RARB: variants seen among roughly 807,000 people sequenced by gnomAD.
RARB encodes the protein HBV-activated protein.
RARB carries 17 observed loss-of-function variants against 51.9 expected under a neutral mutation model. The ratio of observed to expected loss-of-function variants is 0.33; its 90% CI spans 0.22 to 0.49. The LOEUF is 0.49. Ranked by LOEUF, RARB falls within the 20% of genes least tolerant of loss-of-function variation. RARB has a pLI of 0.99. For synonymous variants in RARB, 215 were observed against 195.4 expected (o/e 1.10, Z -0.84); for missense variants, 369 against 550.8 (o/e 0.67, Z 3.30).
At chr3:25,315,589 G>A (rs1241503279) in intron 5 of RARB, among the ~76,000 whole-genome samples, 6 of 152,066 alleles carry the variant, frequency 3.9e-5, no homozygotes, top group African/African-American at 1.2e-4. Flanking sequence ...TACTTCTCCA[G>A]CCTAGGATGC....
intron 2 of RARB, among the ~76,000 whole-genome samples, chr3:25,051,819 A>G (rs146912439): frequency 2.0e-5 from 3 of 152,276 alleles, no homozygotes; most frequent in African/African-American, 7.2e-5. Context: ...AACTACTTCT[A>G]TGCTTGAAGG....
chr3:25,132,876 CA>C (rs1699975162), intron 4 of RARB, among the ~76,000 whole-genome samples: 1 of 151,730 alleles, frequency 6.6e-6, no homozygotes, highest in Non-Finnish European at 1.5e-5. Context: ...AACTTTAAAA[CA>C]TTTTTAAAAA....
intron 5 of RARB, among the ~76,000 whole-genome samples, chr3:25,585,251 GTAT>G: frequency 6.6e-6 from 1 of 152,220 alleles, no homozygotes; most frequent in East Asian, 1.9e-4. Context: ...GTTATGTTCG[GTAT>G]TATTGTTAAG....
upstream of RARB, among the ~76,000 whole-genome samples, chr3:25,425,904 T>G (rs1707975072): frequency 6.6e-6 from 1 of 152,212 alleles, no homozygotes; most frequent in Admixed American, 6.5e-5. Context: ...CAGCCTCCCC[T>G]GGATAACAGA....
At chr3:25,370,027 GAAAACAGAAC>G (rs1307634517) in intron 5 of RARB, among the ~76,000 whole-genome samples, 2 of 152,104 alleles carry the variant, frequency 1.3e-5, no homozygotes, top group African/African-American at 2.4e-5. Flanking sequence ...GCACAGAGCA[GAAAACAGAAC>G]AAAACACACA....
In RARB at chr3:25,210,529, C is replaced by CTTTTTTTTTTTTTTTTTTTTTTTTTT. The variant is rs773846113; in HGVS notation, c.178+35978_178+35979insTTTTTTTTTTTTTTTTTTTTTTTTTT. ...GAAAGCCTGAAATCTTTATCTGATTCTTTTTTTTTTTTTTTTTTTTTTTTG... is the reference window on the plus strand; with the variant it reads ...GAAAGCCTGAAATCTTTATCTGATTCTTTTTTTTTTTTTTTTTTTTTTTTTTTTTTTTTTTTTTTTTTTTTTTTTTG... On this transcript the variant is annotated intron_variant, in intron 5 of 11. Coordinates refer to the RARB transcript ENST00000383772. Among the ~76,000 whole-genome samples the CTTTTTTTTTTTTTTTTTTTTTTTTTT allele has an allele frequency of 1.4e-4, 4 of 27,634 alleles. 1 individual carries two copies. Among genetic ancestry groups the CTTTTTTTTTTTTTTTTTTTTTTTTTT allele is most frequent in the Admixed American group, 1.2e-3 (2 of 1,732 alleles). 18.1% of individuals were successfully genotyped at this position (27,634 alleles called of 152,430 possible).
intron 5 of RARB, chr3:25,258,995 A>T (rs322721): frequency 0.61 from 600,401 of 980,336 alleles, 187,092 homozygotes; most frequent in East Asian, 0.69. Context: ...GCTGGGGACA[A>T]ACCATAGTAT....
At chr3:25,195,169 C>T (rs149033040) in intron 5 of RARB, among the ~76,000 whole-genome samples, 4 of 152,086 alleles carry the variant, frequency 2.6e-5, no homozygotes, top group Admixed American at 6.6e-5. Context: ...TGCCCATCCT[C>T]TCTGTAGGTC....
intron 3 of RARB, among the ~76,000 whole-genome samples, chr3:25,104,521 A>G (rs1699462053): frequency 6.6e-6 from 1 of 152,106 alleles, no homozygotes; most frequent in Non-Finnish European, 1.5e-5. Flanking sequence ...GTGCATATCT[A>G]TAGTTCCAGC....
At chr3:24,912,741 C>A (rs1292607563) in intron 2 of RARB, among the ~76,000 whole-genome samples, 1 of 152,086 alleles carries the variant, frequency 6.6e-6, no homozygotes, top group Non-Finnish European at 1.5e-5. Flanking sequence ...CTAAAGTTAG[C>A]ATTCTATGAA....
chr3:24,859,894 T>C (rs914725761), intron 2 of RARB, among the ~76,000 whole-genome samples: 1 of 152,224 alleles, frequency 6.6e-6, no homozygotes, highest in African/African-American at 2.4e-5. Flanking sequence ...ATTTAAATTC[T>C]ATATTATTCT....
intron 2 of RARB, among the ~76,000 whole-genome samples, chr3:24,916,620 G>A (rs2125383622): frequency 6.6e-6 from 1 of 152,262 alleles, no homozygotes; most frequent in South Asian, 2.1e-4. Flanking sequence ...GCATATTGAT[G>A]ATATGGAGAA....
chr3:25,117,350 C>G (rs1412220200), intron 3 of RARB, among the ~76,000 whole-genome samples: 1 of 152,130 alleles, frequency 6.6e-6, no homozygotes, highest in African/African-American at 2.4e-5. Context: ...TAAAAGTTCA[C>G]CAGGAGCATG....
intron 5 of RARB, among the ~76,000 whole-genome samples, chr3:25,340,179 C>G (rs1461742947): frequency 2.6e-5 from 4 of 152,090 alleles, no homozygotes; most frequent in Admixed American, 2.6e-4. Flanking sequence ...GCTCATCAGT[C>G]ACTGCACTGG....
intron 3 of RARB, among the ~76,000 whole-genome samples, chr3:25,095,961 G>A (rs571518261): frequency 7.2e-5 from 11 of 152,216 alleles, no homozygotes; most frequent in Admixed American, 1.3e-4. Context: ...AGGCTCCACC[G>A]CCGGGGAAGT....
At chr3:25,409,928 C>T (rs1707515061) in intron 5 of RARB, among the ~76,000 whole-genome samples, 1 of 152,192 alleles carries the variant, frequency 6.6e-6, no homozygotes, top group South Asian at 2.1e-4. Context: ...CAAAATATTG[C>T]TAAGTTTTGT....
intron 3 of RARB, among the ~76,000 whole-genome samples, chr3:25,516,461 C>A (rs546314370): frequency 2.0e-5 from 3 of 152,024 alleles, no homozygotes; most frequent in African/African-American, 7.2e-5. Flanking sequence ...TATTTTGATT[C>A]ATTCATTAAA....
chr3:25,159,667 C>T (rs1258705874), intron 4 of RARB, among the ~76,000 whole-genome samples: 1 of 152,080 alleles, frequency 6.6e-6, no homozygotes, highest in East Asian at 1.9e-4. Context: ...TCTTTGATCT[C>T]TTAGTCATCT....
intron 4 of RARB, among the ~76,000 whole-genome samples, chr3:25,133,974 A>G (rs1412664359): frequency 6.6e-6 from 1 of 151,566 alleles, no homozygotes; most frequent in Non-Finnish European, 1.5e-5. Flanking sequence ...AAAAAAAAAA[A>G]AAAAAAAGAC....
Sources: allele counts gnomAD v4.1 joint callset (sites outside exome capture counted in the v4.1 genomes callset), GRCh38; gene constraint gnomAD v4.1.1; transcripts MANE v1.5; gene names NCBI Gene and HGNC (gene_info 2026-07-23, HGNC 2026-07-21).